The following NR2F1-AS1 variants were observed in gnomAD, a reference collection of about 807,000 sequenced individuals.
NR2F1-AS1 encodes the protein NR2F1 antisense RNA 1.
rs945995918 is a variant in NR2F1-AS1, at chr5:93,579,791, G to T, written n.313+676C>A. ...CCGCCCCCAGCCGGCTGGCAGCGGC[G>T]CAGGGAGTCTGGCTCGGCTGCTAGG... On this transcript the variant is annotated intron_variant and non_coding_transcript_variant, in intron 1 of 5. Transcript: ENST00000660523. This position sits in a 1 kb window ranked among gnomAD's most constrained non-coding sequence, Gnocchi z 5.1. Among the ~76,000 whole-genome samples, 32 of 152,308 alleles carry T rather than the reference G, an allele frequency of 2.1e-4. No homozygotes were observed. The highest frequency in any genetic ancestry group is 7.7e-4 in the African/African-American group (32 of 41,562).
At chr5:93,537,396 A>C (rs773362516) in intron 4 of NR2F1-AS1, among the ~76,000 whole-genome samples, 2 of 152,200 alleles carry the variant, frequency 1.3e-5, no homozygotes, top group Non-Finnish European at 2.9e-5. Context: ...ACAGAATAGG[A>C]GAAAATATTT....
chr5:93,411,196 TGAAAA>T (rs1480865656), intron 4 of NR2F1-AS1: 1 of 152,236 alleles, frequency 6.6e-6, no homozygotes, highest in African/African-American at 2.4e-5. Context: ...TCAATTAAGT[TGAAAA>T]GCAATGCAAG....
At chr5:93,491,340 G>A (rs1159483593) in intron 4 of NR2F1-AS1, among the ~76,000 whole-genome samples, 2 of 147,770 alleles carry the variant, frequency 1.4e-5, no homozygotes, top group Admixed American at 6.7e-5. Context: ...ATTGATGAAG[G>A]TTGTGGTTAT....
At chr5:93,426,866 A>C (rs1749206079) in intron 4 of NR2F1-AS1, among the ~76,000 whole-genome samples, 2 of 152,132 alleles carry the variant, frequency 1.3e-5, no homozygotes, top group South Asian at 4.1e-4. Flanking sequence ...GTTTTTAGAG[A>C]TCCAACCAAG....
chr5:93,410,985 GT>G lies in NR2F1-AS1; in HGVS notation n.639-15444del, dbSNP rs539140561. The G allele has an allele frequency of 3.8e-3, 582 of 152,158 alleles. 7 individuals carry two copies. The highest frequency in any genetic ancestry group is 0.013 in the African/African-American group (546 of 41,526). 9.4% of individuals were successfully genotyped at this position (152,158 alleles called of 1,614,324 possible). A position where few individuals can be genotyped will look rare whatever the true frequency, so the allele number is the denominator to read the frequency against. ...TAGGAGTTTTTTTGGATTTTGTTTT[GT>G]TTTTTATTAAAGAGACTTAAAACAC... On this transcript the variant is annotated intron_variant and non_coding_transcript_variant, in intron 4 of 5. Transcript: ENST00000660523.
chr5:93,456,198 A>T (rs1749944049), intron 4 of NR2F1-AS1, among the ~76,000 whole-genome samples: 1 of 152,216 alleles, frequency 6.6e-6, no homozygotes, highest in South Asian at 2.1e-4. Flanking sequence ...AAAAAAGTAA[A>T]ACAGAAAACA....
chr5:93,452,828 C>A (rs1176982345), intron 4 of NR2F1-AS1, among the ~76,000 whole-genome samples: 1 of 152,062 alleles, frequency 6.6e-6, no homozygotes, highest in African/African-American at 2.4e-5. Context: ...ATAAAACTGA[C>A]CCCAAGTAAT....
intron 4 of NR2F1-AS1, among the ~76,000 whole-genome samples, chr5:93,449,847 G>A (rs1400026867): frequency 6.6e-6 from 1 of 152,090 alleles, no homozygotes; most frequent in Non-Finnish European, 1.5e-5. Context: ...ACAAATAGCT[G>A]GAGGGGAGGT....
At position 93,487,245 on chromosome 5, in the gene NR2F1-AS1, G is replaced by A. The variant is rs550904556; in HGVS notation, n.638+66516C>T. On this transcript the variant is annotated intron_variant and non_coding_transcript_variant, in intron 4 of 5. Coordinates refer to ENST00000660523, the Ensembl canonical transcript of NR2F1-AS1. Reference sequence around the variant, plus strand: ...CAACATAGTATTGGAAGTTCTGGCCGCAGCAATCAAGAAAGAGAAAGAAAT... The same window carrying A: ...CAACATAGTATTGGAAGTTCTGGCCACAGCAATCAAGAAAGAGAAAGAAAT... 8.7e-4 allele frequency among the ~76,000 whole-genome samples: 133 copies of A among 152,070 alleles called. 1 individual carries two copies. Among genetic ancestry groups the A allele is most frequent in the Non-Finnish European group, 8.5e-4 (58 of 67,940 alleles).
chr5:93,580,862 C>G (rs1375133901), upstream of NR2F1-AS1: 2 of 152,334 alleles, frequency 1.3e-5, no homozygotes, highest in African/African-American at 4.8e-5. Flanking sequence ...CCTGCTACCC[C>G]CAGTCGCCTC....
At chr5:93,557,836 T>C (rs1316086672) in intron 2 of NR2F1-AS1, among the ~76,000 whole-genome samples, 2 of 152,370 alleles carry the variant, frequency 1.3e-5, no homozygotes, top group East Asian at 3.9e-4. Context: ...CTTTCAAAAC[T>C]GGAGTCAATC....
intron 4 of NR2F1-AS1, among the ~76,000 whole-genome samples, chr5:93,538,293 T>TA (rs1032423704): frequency 1.3e-5 from 2 of 152,024 alleles, no homozygotes; most frequent in Non-Finnish European, 2.9e-5. Context: ...GACAATATAG[T>TA]AAAACTCCAT....
At chr5:93,533,068 C>T (rs1751766793) in intron 4 of NR2F1-AS1, among the ~76,000 whole-genome samples, 2 of 152,160 alleles carry the variant, frequency 1.3e-5, no homozygotes, top group Non-Finnish European at 1.5e-5. Flanking sequence ...CTTAGTCAGA[C>T]GTTACCTTAC....
intron 4 of NR2F1-AS1, among the ~76,000 whole-genome samples, chr5:93,506,239 T>C (rs900537159): frequency 2.0e-5 from 3 of 152,200 alleles, no homozygotes; most frequent in Non-Finnish European, 4.4e-5. Context: ...TCTGAGATCA[T>C]CTCAGTCTGG....
chr5:93,492,133 C>T (rs1750864639), intron 4 of NR2F1-AS1, among the ~76,000 whole-genome samples: 1 of 152,030 alleles, frequency 6.6e-6, no homozygotes, highest in Non-Finnish European at 1.5e-5. Flanking sequence ...TTGACCTTTA[C>T]AGAAACTAAA....
At position 93,579,765 on chromosome 5, in the gene NR2F1-AS1, C is replaced by T. The variant is rs938509726; in HGVS notation, n.313+702G>A. 3.0e-4 allele frequency among the ~76,000 whole-genome samples: 45 copies of T among 152,218 alleles called. No individual in the cohort carries two copies. Among genetic ancestry groups the T allele is most frequent in the Non-Finnish European group, 5.4e-4 (37 of 68,034 alleles). On this transcript the variant is annotated intron_variant and non_coding_transcript_variant, in intron 1 of 5. Coordinates refer to ENST00000660523, the Ensembl canonical transcript of NR2F1-AS1. This position sits in a 1 kb window ranked among gnomAD's most constrained non-coding sequence, Gnocchi z 5.1. ...CCCACCCCTGGGAGGCGACCCCCTCCCCGCCCCCAGCCGGCTGGCAGCGGC... is the reference window on the plus strand; with the variant it reads ...CCCACCCCTGGGAGGCGACCCCCTCTCCGCCCCCAGCCGGCTGGCAGCGGC...
At chr5:93,456,887 A>G (rs1749960167) in intron 4 of NR2F1-AS1, among the ~76,000 whole-genome samples, 1 of 152,162 alleles carries the variant, frequency 6.6e-6, no homozygotes, top group African/African-American at 2.4e-5. Context: ...TCTACATCAT[A>G]AACAAGGTAA....
chr5:93,539,873 TA>T (rs1190860871), intron 4 of NR2F1-AS1, among the ~76,000 whole-genome samples: 1 of 152,150 alleles, frequency 6.6e-6, no homozygotes, highest in African/African-American at 2.4e-5. Context: ...TAAACATATA[TA>T]ATTATAATGT....
At chr5:93,551,381 A>G (rs547602080) in intron 4 of NR2F1-AS1, among the ~76,000 whole-genome samples, 114 of 152,278 alleles carry the variant, frequency 7.5e-4, no homozygotes, top group Non-Finnish European at 1.3e-3. Flanking sequence ...ATAATACAAT[A>G]GTCAAAGAAC....
Sources: gnomAD v4.1 joint callset for allele counts (sites outside exome capture counted in the v4.1 genomes callset) on GRCh38, gnomAD v4.1.1 for gene constraint, Gnocchi (gnomAD v3.1) non-coding constraint, MANE v1.5 for transcripts, NCBI Gene and HGNC (gene_info 2026-07-23, HGNC 2026-07-21) for gene names.